The following MAP3K19 variants were observed in gnomAD, a reference collection of about 807,000 sequenced individuals.
MAP3K19 encodes mitogen-activated protein kinase kinase kinase 19.
Under a neutral mutation model 114.4 loss-of-function variants are expected in MAP3K19, and 91 were observed. That is an observed-to-expected ratio of 0.80 (90% CI 0.67 to 0.95). MAP3K19 has a LOEUF of 0.95. MAP3K19 is among the 40% of genes least tolerant of loss of function. MAP3K19 has a pLI of 0.00. For missense variants in MAP3K19, 1,471 were observed against 1,573.2 expected, an observed-to-expected ratio of 0.94 and a Z score of 1.10; for synonymous variants, 518 against 530.5, an observed-to-expected ratio of 0.98 and a Z score of 0.32.
chr2:135,011,822 A>G (rs1687256657), intron 5 of MAP3K19, among the ~76,000 whole-genome samples: 1 of 151,990 alleles, frequency 6.6e-6, no homozygotes, highest in Non-Finnish European at 1.5e-5. Context: ...AGTTGGTTCT[A>G]CAGGTGCATG....
chr2:134,975,527 G>A (rs180900543), intron 12 of MAP3K19, among the ~76,000 whole-genome samples: 1 of 152,290 alleles, frequency 6.6e-6, no homozygotes, highest in East Asian at 1.9e-4. Flanking sequence ...AGTGGGCAGG[G>A]TGGGGTGATC....
chr2:134,991,375 C>A, intron 9 of MAP3K19, 162 bp downstream of exon 9: 1 of 663,562 alleles, frequency 1.5e-6, no homozygotes, highest in African/African-American at 1.8e-5. Context: ...TTGGGGGAAT[C>A]AAAGCTTATG....
intron 6 of MAP3K19, among the ~76,000 whole-genome samples, chr2:135,004,459 G>A (rs1686670232): frequency 6.6e-6 from 1 of 152,186 alleles, no homozygotes; most frequent in Non-Finnish European, 1.5e-5. Context: ...CCTCCCGGAG[G>A]AGACGCTACT....
At chr2:135,042,563 A>G (rs1688668304) in intron 1 of MAP3K19, among the ~76,000 whole-genome samples, 1 of 152,002 alleles carries the variant, frequency 6.6e-6, no homozygotes, top group African/African-American at 2.4e-5. Flanking sequence ...GGCATTCGTG[A>G]TATCTGGAGA....
chr2:135,026,657 G>C (rs4954213), intron 3 of MAP3K19, among the ~76,000 whole-genome samples: 59 of 151,880 alleles, frequency 3.9e-4, no homozygotes, highest in African/African-American at 1.4e-3. Context: ...AAAAAAAAGT[G>C]CATTGTTTAT....
intron 12 of MAP3K19, among the ~76,000 whole-genome samples, chr2:134,973,238 A>G (rs1024654888): frequency 3.3e-5 from 5 of 152,214 alleles, no homozygotes; most frequent in African/African-American, 9.6e-5. Flanking sequence ...TAAAGTCCCC[A>G]TCTATGATTG....
chr2:135,020,706 C>T (rs986168031), intron 5 of MAP3K19, among the ~76,000 whole-genome samples: 9 of 152,170 alleles, frequency 5.9e-5, no homozygotes, highest in African/African-American at 2.2e-4. Flanking sequence ...CGGTTTCCCC[C>T]ATACTGTTCT....
intron 12 of MAP3K19, among the ~76,000 whole-genome samples, chr2:134,973,685 CTTG>C (rs1171385503): frequency 6.6e-6 from 1 of 151,920 alleles, no homozygotes; most frequent in African/African-American, 2.4e-5. Flanking sequence ...TTCTTTCTCT[CTTG>C]TTATTTATCA....
At position 134,994,780 on chromosome 2, in the gene MAP3K19, A is replaced by G. The variant is rs925298400; in HGVS notation, c.575-3200T>C. Reference sequence around the variant, plus strand: ...GCCCATTCAACAAGCTCACTCAAACATACAGAACTTTTTAGTGAAACTCTT... The same window carrying G: ...GCCCATTCAACAAGCTCACTCAAACGTACAGAACTTTTTAGTGAAACTCTT... On this transcript the variant is annotated intron_variant, in intron 8 of 12. Coordinates refer to ENST00000392915, the MANE Select transcript of MAP3K19 (RefSeq NM_025052.5). Among the ~76,000 whole-genome samples the G allele has an allele frequency of 3.9e-5, 6 of 152,214 alleles. No individual in the cohort carries two copies. In the East Asian group the frequency reaches 5.8e-4, roughly 15 times the overall value.
chr2:135,002,415 C>CTTATTTTATT (rs10546607), intron 6 of MAP3K19, among the ~76,000 whole-genome samples: 2 of 150,774 alleles, frequency 1.3e-5, no homozygotes, highest in African/African-American at 4.9e-5. Flanking sequence ...GTTTGGTCTC[C>CTTATTTTATT]TTATTTTATT....
intron 3 of MAP3K19, among the ~76,000 whole-genome samples, chr2:135,027,657 T>C (rs905093218): frequency 6.6e-6 from 1 of 152,216 alleles, no homozygotes; most frequent in African/African-American, 2.4e-5. Context: ...CCATGTTGGT[T>C]TGGGAAATTT....
rs1219511690 is a variant in MAP3K19, at chr2:135,005,901, G to C, written c.139-370C>G. Among the ~76,000 whole-genome samples, 3 of 152,274 alleles carry C rather than the reference G, an allele frequency of 2.0e-5. No homozygotes were observed. The East Asian group carries it at 5.8e-4, about 29-fold the overall frequency. On this transcript the variant is annotated intron_variant, in intron 5 of 12. Coordinates refer to ENST00000392915, the MANE Select transcript of MAP3K19 (RefSeq NM_025052.5). ...AGTCACAGTGAACAACCCCAAAGGA[G>C]CATGATCTTTTCCATAATGCCTCCC...
At chr2:134,966,280 C>T (rs1355459564) in intron 12 of MAP3K19, among the ~76,000 whole-genome samples, 1 of 151,996 alleles carries the variant, frequency 6.6e-6, no homozygotes, top group African/African-American at 2.4e-5. Context: ...GCAGGTAGTT[C>T]TATTTTTAGT....
At position 135,011,590 on chromosome 2, in the gene MAP3K19, C is replaced by T. The variant is rs150380338; in HGVS notation, c.139-6059G>A. On this transcript the variant is annotated intron_variant, in intron 5 of 12. Coordinates refer to ENST00000392915, the MANE Select transcript of MAP3K19 (RefSeq NM_025052.5). ...TGCCTCAAAAAATGTACTGATCAGG[C>T]ACGGTGGCTCACACCTGTAATTCCT... Among the ~76,000 whole-genome samples the T allele has an allele frequency of 1.2e-4, 18 of 151,110 alleles. No individual in the cohort carries two copies. In the East Asian group the frequency reaches 3.1e-3, roughly 26 times the overall value.
intron 12 of MAP3K19, among the ~76,000 whole-genome samples, chr2:134,969,975 AT>A (rs972424547): frequency 1.4e-5 from 2 of 146,624 alleles, no homozygotes. Flanking sequence ...TTATGTGTCT[AT>A]TTTTACACCA....
intron 2 of MAP3K19, among the ~76,000 whole-genome samples, chr2:135,037,108 G>A (rs996679028): frequency 2.0e-5 from 3 of 151,866 alleles, no homozygotes; most frequent in African/African-American, 4.8e-5. Context: ...GCAATTCTCC[G>A]GCCTCAGCCT....
chr2:134,979,261 A>G (rs1307985869), intron 12 of MAP3K19, among the ~76,000 whole-genome samples: 1 of 152,186 alleles, frequency 6.6e-6, no homozygotes, highest in Non-Finnish European at 1.5e-5. Context: ...TATTAACTGT[A>G]AACTCCTAAT....
At chr2:134,993,927 T>A (rs1238371074) in intron 8 of MAP3K19, among the ~76,000 whole-genome samples, 1 of 152,172 alleles carries the variant, frequency 6.6e-6, no homozygotes, top group Non-Finnish European at 1.5e-5. Flanking sequence ...GGAGGATCAC[T>A]TAAGCCTGGA....
intron 12 of MAP3K19, among the ~76,000 whole-genome samples, chr2:134,980,164 C>T (rs1241477792): frequency 6.6e-6 from 1 of 152,152 alleles, no homozygotes; most frequent in Non-Finnish European, 1.5e-5. Flanking sequence ...CTTCCCCGCC[C>T]CATGGATACA....
Sources: allele counts gnomAD v4.1 joint callset (sites outside exome capture counted in the v4.1 genomes callset), GRCh38; gene constraint gnomAD v4.1.1; transcripts MANE v1.5; gene names NCBI Gene and HGNC (gene_info 2026-07-23, HGNC 2026-07-21).